Variants in NRXN2 observed in about 807,000 individuals in gnomAD.
The protein encoded by NRXN2 is neurexin 2.
A neutral mutation model predicts 128.8 loss-of-function variants in NRXN2; 29 were observed. The observed-to-expected ratio is 0.23, with a 90% CI of 0.17 to 0.31. NRXN2 has a LOEUF of 0.31. Ranked by LOEUF, NRXN2 falls within the 10% of genes least tolerant of loss-of-function variation. The pLI is 1.00. For missense variants in NRXN2, 1,881 were observed against 2,452.6 expected (o/e 0.77, Z 4.92); for synonymous variants, 1,098 against 1,075.2 (o/e 1.02, Z -0.41).
chr11:64,706,884 C>A (rs531812827), intron 2 of NRXN2, among the ~76,000 whole-genome samples: 1 of 151,998 alleles, frequency 6.6e-6, no homozygotes, highest in East Asian at 1.9e-4. Context: ...TTACTCATCA[C>A]TAATTTTATA....
At chr11:64,678,992 A>G (rs900901396) in intron 6 of NRXN2, among the ~76,000 whole-genome samples, 1 of 152,230 alleles carries the variant, frequency 6.6e-6, no homozygotes, top group Non-Finnish European at 1.5e-5. Context: ...GAAGCAGTTT[A>G]CATAGCAAGA....
intron 17 of NRXN2, chr11:64,642,510 G>C (rs1591717648): frequency 6.3e-7 from 1 of 1,598,100 alleles, no homozygotes; most frequent in South Asian, 1.1e-5. Context: ...CGGGCCAACC[G>C]GGTGGCCGGC....
At position 64,608,029 on chromosome 11, in the gene NRXN2, C is replaced by T. The variant is rs1348133765; in HGVS notation, c.4306G>A (p.Val1436Met). ...GGCACGAAGGGGGATCGGGTGGCCACGGGAGGGGGGTCTAAGGAGTCCTCC... is the reference window on the plus strand; with the variant it reads ...GGCACGAAGGGGGATCGGGTGGCCATGGGAGGGGGGTCTAAGGAGTCCTCC... The part of the protein sequence containing the change: ...ITEDSLDPPP[V>M]ATRSPFVPPP... Residue 1436 changes from valine (V) to methionine (M), a missense_variant, in exon 23 of 23, where the codon GTG becomes ATG. Coordinates refer to ENST00000265459, the MANE Select transcript of NRXN2 (RefSeq NM_015080.4). The T allele has an allele frequency of 1.9e-6, 3 of 1,551,216 alleles. No homozygotes were observed. The highest frequency in any genetic ancestry group is 1.2e-5 in the South Asian group (1 of 85,334).
At chr11:64,692,793 A>G in intron 4 of NRXN2, 54 bp downstream of exon 4, 1 of 1,608,808 alleles carries the variant, frequency 6.2e-7, no homozygotes, top group Non-Finnish European at 8.5e-7. Flanking sequence ...CAGAAAATCC[A>G]GGCGCAGGTT....
chr11:64,697,312 T>C (rs1272545864), intron 3 of NRXN2, among the ~76,000 whole-genome samples: 1 of 152,132 alleles, frequency 6.6e-6, no homozygotes, highest in South Asian at 2.1e-4. Context: ...CCCTGAGCCC[T>C]GCACAGTGGC....
intron 22 of NRXN2, among the ~76,000 whole-genome samples, chr11:64,613,240 G>A (rs1019033941): frequency 1.3e-5 from 2 of 152,262 alleles, no homozygotes; most frequent in African/African-American, 2.4e-5. Context: ...GAGCATGAGC[G>A]TGTGCATGTC....
chr11:64,662,759 G>C (rs2049220406), intron 9 of NRXN2, among the ~76,000 whole-genome samples: 1 of 151,996 alleles, frequency 6.6e-6, no homozygotes, highest in South Asian at 2.1e-4. Flanking sequence ...TCCAGTCTGG[G>C]CGACAGAGCG....
At position 64,690,402 on chromosome 11, in the gene NRXN2, G is replaced by A; in HGVS notation, c.850+3C>T. The A allele has an allele frequency of 6.2e-7, 1 of 1,612,026 alleles. No homozygotes were observed. Among genetic ancestry groups the A allele is most frequent in the Non-Finnish European group, 8.5e-7 (1 of 1,179,264 alleles). On this transcript the variant is annotated splice_donor_region_variant and intron_variant, in intron 5 of 22. Transcript: ENST00000265459. ...CTCTCTGGGGACCATGGGGGTCACT[G>A]ACCTTTTGTTGGCTGGTGCACATCG... is the stretch of plus-strand genomic sequence containing the variant.
chr11:64,712,057 A>G (rs951702125), intron 2 of NRXN2, among the ~76,000 whole-genome samples: 1 of 152,086 alleles, frequency 6.6e-6, no homozygotes, highest in Non-Finnish European at 1.5e-5. Context: ...GGACCTTCAA[A>G]GACTGCGACC....
At chr11:64,684,818 C>A (rs2052784760) in intron 6 of NRXN2, among the ~76,000 whole-genome samples, 1 of 152,144 alleles carries the variant, frequency 6.6e-6, no homozygotes, top group African/African-American at 2.4e-5. Flanking sequence ...TGAAGAGGAC[C>A]ACTTCTAAGA....
chr11:64,649,378 G>A (rs2047152248), intron 15 of NRXN2, among the ~76,000 whole-genome samples: 1 of 152,128 alleles, frequency 6.6e-6, no homozygotes, highest in Non-Finnish European at 1.5e-5. Flanking sequence ...ACTAGGGCTT[G>A]GCCTTGGGAC....
intron 9 of NRXN2, among the ~76,000 whole-genome samples, chr11:64,663,706 G>A (rs1356938925): frequency 2.0e-5 from 3 of 152,198 alleles, no homozygotes; most frequent in Non-Finnish European, 2.9e-5. Flanking sequence ...GGGAAGGGGT[G>A]TATAATGGAG....
chr11:64,713,787 C>T lies in NRXN2; in HGVS notation c.-88G>A. On this transcript the variant is annotated 5_prime_UTR_variant, in exon 2 of 23. Coordinates refer to ENST00000265459, the MANE Select transcript of NRXN2 (RefSeq NM_015080.4). Reference sequence around the variant, plus strand: ...GCATGGGGCGGGAGGGGGCCGGGCGCTCCCCGCGCTGAGCGGGGCTCCCTT... The same window carrying T: ...GCATGGGGCGGGAGGGGGCCGGGCGTTCCCCGCGCTGAGCGGGGCTCCCTT... 1.3e-6 allele frequency: 1 copy of T among 767,574 alleles called. No individual in the cohort carries two copies. The highest frequency in any genetic ancestry group is 1.6e-6 in the Non-Finnish European group (1 of 626,510). The allele number at this position is 767,574 out of a possible 1,614,324, so 47.5% of individuals were successfully genotyped here. A position where few individuals can be genotyped will look rare whatever the true frequency, so the allele number is the denominator to read the frequency against.
chr11:64,667,834 T>G lies in NRXN2; in HGVS notation c.1360-146A>C. The G allele has an allele frequency of 1.3e-6, 1 of 746,238 alleles. No individual in the cohort carries two copies. The highest frequency in any genetic ancestry group is 2.7e-5 in the East Asian group (1 of 37,672). The allele number at this position is 746,238 out of a possible 1,614,324, so 46.2% of individuals were successfully genotyped here. A position where few individuals can be genotyped will look rare whatever the true frequency, so the allele number is the denominator to read the frequency against. ...CCACCAGACCACCCGCTTAGGCCTC[T>G]GTTCTACAGCTTCAGACACAGAGGC... On this transcript the variant is annotated intron_variant, in intron 8 of 22. Transcript: ENST00000265459. This position sits in a 1 kb window ranked among gnomAD's most constrained non-coding sequence, Gnocchi z 5.6.
Position 64,690,517 on chromosome 11 carries a change from G to A in NRXN2, c.779-41C>T, listed in dbSNP as rs773142300. 2.1e-5 allele frequency: 32 copies of A among 1,550,962 alleles called. No homozygotes were observed. In the Admixed American group the frequency reaches 2.6e-4, roughly 13 times the overall value. On this transcript the variant is annotated intron_variant, in intron 4 of 22. Coordinates refer to ENST00000265459, the MANE Select transcript of NRXN2 (RefSeq NM_015080.4). ...TGGGGAGTCAGGCACAGGGGGTACC[G>A]AGCCAGTCCCTCCCCAGCCTTGAGG...
At position 64,667,761 on chromosome 11, in the gene NRXN2, C is replaced by A; in HGVS notation, c.1360-73G>T. 6.7e-7 allele frequency: 1 copy of A among 1,487,816 alleles called. No individual in the cohort carries two copies. The highest frequency in any genetic ancestry group is 9.3e-7 in the Non-Finnish European group (1 of 1,078,464). 92.2% of individuals were successfully genotyped at this position (1,487,816 alleles called of 1,614,324 possible). A position where few individuals can be genotyped will look rare whatever the true frequency, so the allele number is the denominator to read the frequency against. ...GGGCCTGGCCACTCCCACCCAGCAG[C>A]GAGCACCAGGGGACCCAGCCACCCA... On this transcript the variant is annotated intron_variant, in intron 8 of 22. Transcript: ENST00000265459. The surrounding 1 kb of genome is among the most constrained non-coding windows in gnomAD (Gnocchi z 5.6).
At chr11:64,641,631 G>A (rs895180468) in intron 17 of NRXN2, among the ~76,000 whole-genome samples, 1 of 151,912 alleles carries the variant, frequency 6.6e-6, no homozygotes. Flanking sequence ...AGTGATGGGG[G>A]GCCTGAGATG....
intron 1 of NRXN2, among the ~76,000 whole-genome samples, chr11:64,716,500 G>C (rs575989373): frequency 6.6e-6 from 1 of 152,204 alleles, no homozygotes; most frequent in South Asian, 2.1e-4. Flanking sequence ...GCAGGGGGGC[G>C]AAGCGGCTGA....
At chr11:64,669,156 A>G (rs2050294704) in intron 7 of NRXN2, among the ~76,000 whole-genome samples, 1 of 152,204 alleles carries the variant, frequency 6.6e-6, no homozygotes, top group African/African-American at 2.4e-5. Flanking sequence ...GGGAGATGGA[A>G]GATAGCAGTG....
Sources: gnomAD v4.1 joint callset for allele counts (sites outside exome capture counted in the v4.1 genomes callset) on GRCh38, gnomAD v4.1.1 for gene constraint, Gnocchi (gnomAD v3.1) non-coding constraint, MANE v1.5 for transcripts, NCBI Gene and HGNC (gene_info 2026-07-23, HGNC 2026-07-21) for gene names.